BBX: variants seen among roughly 807,000 people sequenced by gnomAD.
BBX encodes the protein HMG box transcription factor BBX.
A neutral mutation model predicts 100.2 loss-of-function variants in BBX; 30 were observed. The ratio of observed to expected loss-of-function variants is 0.30; its 90% confidence interval spans 0.22 to 0.41. The LOEUF (loss-of-function observed/expected upper bound fraction) is 0.41, where lower values mean the gene tolerates loss of function less well. Ranked by LOEUF, BBX falls within the 10% of genes least tolerant of loss-of-function variation. BBX has a pLI of 1.00. For missense variants in BBX, 1,023 were observed against 1,129.8 expected, an observed-to-expected ratio of 0.91 and a Z score of 1.35; for synonymous variants, 376 against 388.1, an observed-to-expected ratio of 0.97 and a Z score of 0.37.
intron 2 of BBX, among the ~76,000 whole-genome samples, chr3:107,535,685 T>G (rs1414049126): frequency 2.0e-5 from 3 of 151,766 alleles, no homozygotes; most frequent in Non-Finnish European, 2.9e-5. Context: ...CTCTGCCTTC[T>G]GGGTTCAAGC....
At chr3:107,577,405 G>A (rs181758709) in intron 2 of BBX, among the ~76,000 whole-genome samples, 12 of 152,230 alleles carry the variant, frequency 7.9e-5, no homozygotes, top group Admixed American at 2.6e-4. Flanking sequence ...AAACATGGCG[G>A]GAATGGAAGG....
chr3:107,767,972 TC>T (rs1357829486), intron 10 of BBX, among the ~76,000 whole-genome samples: 1 of 152,200 alleles, frequency 6.6e-6, no homozygotes, highest in Non-Finnish European at 1.5e-5. Context: ...TCTTCCATGT[TC>T]CAGTGCTCTC....
At chr3:107,694,745 G>T (rs1436314996) in intron 3 of BBX, among the ~76,000 whole-genome samples, 1 of 151,296 alleles carries the variant, frequency 6.6e-6, no homozygotes, top group Non-Finnish European at 1.5e-5. Flanking sequence ...TTTTTCTATT[G>T]ATTGGAATAG....
intron 2 of BBX, among the ~76,000 whole-genome samples, chr3:107,560,438 G>T (rs1036326831): frequency 1.3e-5 from 2 of 152,188 alleles, no homozygotes; most frequent in Admixed American, 1.3e-4. Context: ...AGTCAGCTAG[G>T]AAGTGAGAAT....
chr3:107,803,953 G>GTT (rs11388129), intron 17 of BBX, among the ~76,000 whole-genome samples: 1,929 of 144,184 alleles, frequency 0.013, 15 homozygotes, highest in East Asian at 0.037. Flanking sequence ...CATCTTTTTT[G>GTT]TTTTTTTTTT....
chr3:107,745,035 A>G (rs2064453994), intron 8 of BBX, among the ~76,000 whole-genome samples: 1 of 152,218 alleles, frequency 6.6e-6, no homozygotes, highest in South Asian at 2.1e-4. Context: ...TGTTTATTTG[A>G]TAAAACAGAA....
intron 3 of BBX, among the ~76,000 whole-genome samples, chr3:107,697,717 G>A (rs1378806017): frequency 6.6e-6 from 1 of 151,796 alleles, no homozygotes; most frequent in Non-Finnish European, 1.5e-5. Context: ...AGCTGTGGTG[G>A]GCTCCACCCA....
intron 2 of BBX, among the ~76,000 whole-genome samples, chr3:107,626,994 AT>A (rs1168041532): frequency 1.3e-5 from 2 of 152,092 alleles, no homozygotes; most frequent in Non-Finnish European, 2.9e-5. Flanking sequence ...TGCAGCTGGT[AT>A]TTCCCAGAGC....
intron 9 of BBX, among the ~76,000 whole-genome samples, chr3:107,750,207 T>C (rs1469365150): frequency 6.6e-6 from 1 of 152,180 alleles, no homozygotes; most frequent in Non-Finnish European, 1.5e-5. Context: ...AGGGTGTCAT[T>C]CCCAGAGGTT....
rs1224963949 is a variant in BBX at position 107,628,924 on chromosome 3, A to G, written c.-83-16912A>G. On this transcript the variant is annotated intron_variant, in intron 2 of 17. Coordinates refer to ENST00000325805, the MANE Select transcript of BBX (RefSeq NM_001142568.3). ...GAAATTCTAGATAGTAAACTACATC[A>G]TGTTTATCACAAACAGCATTTTTTA... 2.0e-5 allele frequency among the ~76,000 whole-genome samples: 3 copies of G among 152,220 alleles called. No homozygotes were observed. The East Asian group carries it at 5.8e-4, about 29-fold the overall frequency.
chr3:107,603,232 G>A (rs1264218172), intron 2 of BBX, among the ~76,000 whole-genome samples: 1 of 152,108 alleles, frequency 6.6e-6, no homozygotes, highest in Non-Finnish European at 1.5e-5. Flanking sequence ...CCAAAGTGCT[G>A]GGATTACAGG....
intron 2 of BBX, among the ~76,000 whole-genome samples, chr3:107,628,159 A>G (rs1388451572): frequency 6.6e-6 from 1 of 152,112 alleles, no homozygotes. Flanking sequence ...GGAGGGCTCC[A>G]TATTTTAAAA....
intron 2 of BBX, among the ~76,000 whole-genome samples, chr3:107,615,840 C>T (rs983590417): frequency 6.6e-6 from 1 of 151,988 alleles, no homozygotes; most frequent in African/African-American, 2.4e-5. Flanking sequence ...ATTTGGCAAT[C>T]ATTGGCATAT....
At chr3:107,601,566 A>C (rs1247241157) in intron 2 of BBX, among the ~76,000 whole-genome samples, 1 of 152,252 alleles carries the variant, frequency 6.6e-6, no homozygotes, top group Non-Finnish European at 1.5e-5. Context: ...CTTAAGCCAA[A>C]GACTAATCCA....
rs534418244 is a variant in BBX at position 107,643,721 on chromosome 3, C to T, written c.-83-2115C>T. 1.5e-3 allele frequency among the ~76,000 whole-genome samples: 229 copies of T among 152,266 alleles called. 1 individual carries two copies. Among genetic ancestry groups the T allele is most frequent in the African/African-American group, 4.5e-3 (188 of 41,544 alleles). ...GATACCTCACATCACCACTCATTTCCGTCAAATCAGTACACTCTCTGAAAT... is the reference window on the plus strand; with the variant it reads ...GATACCTCACATCACCACTCATTTCTGTCAAATCAGTACACTCTCTGAAAT... On this transcript the variant is annotated intron_variant, in intron 2 of 17. Transcript: ENST00000325805.
intron 1 of BBX, among the ~76,000 whole-genome samples, chr3:107,525,151 C>T (rs1162505438): frequency 5.4e-5 from 8 of 148,478 alleles, no homozygotes; most frequent in East Asian, 2.0e-4. Context: ...CGCCGGGGGT[C>T]CCCGGCGCCG....
intron 3 of BBX, among the ~76,000 whole-genome samples, chr3:107,673,137 A>C (rs1295344761): frequency 6.6e-6 from 1 of 152,080 alleles, no homozygotes; most frequent in African/African-American, 2.4e-5. Context: ...TGAATAGAAG[A>C]TTATTCCTAA....
In BBX at chr3:107,748,031, T is replaced by C; in HGVS notation, c.817T>C (p.Phe273Leu). The C allele has an allele frequency of 1.2e-6, 2 of 1,613,312 alleles. No individual in the cohort carries two copies. Among genetic ancestry groups the C allele is most frequent in the Non-Finnish European group, 1.7e-6 (2 of 1,179,410 alleles). ...KQCQTSALFQ[F>L]AEISSNTSQL... ...GTGTCAAACATCTGCCTTGTTTCAGTTTGCAGAGGTATGGCCTTTTTAAAA... is the reference window on the plus strand; with the variant it reads ...GTGTCAAACATCTGCCTTGTTTCAGCTTGCAGAGGTATGGCCTTTTTAAAA... Residue 273 changes from phenylalanine (F) to leucine (L), a missense_variant, in exon 9 of 18, where the codon TTT (phenylalanine) becomes CTT (leucine). Physicochemically the swap from Phe to Leu is conservative, Grantham distance 22. This residue lies in a region of BBX where 95 missense variants were observed against 95.1 expected (regional missense o/e 1.00). Transcript: ENST00000325805.
chr3:107,595,689 T>C (rs2053626989), intron 2 of BBX, among the ~76,000 whole-genome samples: 1 of 152,180 alleles, frequency 6.6e-6, no homozygotes, highest in African/African-American at 2.4e-5. Context: ...ATGGAACACG[T>C]ATAGTTAAAT....
Sources: gnomAD v4.1 joint callset for allele counts (sites outside exome capture counted in the v4.1 genomes callset) on GRCh38, gnomAD v4.1.1 for gene constraint, gnomAD v4.1.1 regional missense constraint, MANE v1.5 for transcripts, NCBI Gene and HGNC (gene_info 2026-07-23, HGNC 2026-07-21) for gene names.